Variants in USB1 observed in about 807,000 individuals in gnomAD.
The protein encoded by USB1 is U6 snRNA biogenesis phosphodiesterase 1, also known as U6 snRNA phosphodiesterase 1.
USB1 carries 21 observed loss-of-function variants against 29.9 expected under a neutral mutation model. The ratio of observed to expected loss-of-function variants is 0.70; its 90% CI spans 0.50 to 1.01. The LOEUF is 1.01. USB1 is among the 50% of genes least tolerant of loss of function. The probability of loss-of-function intolerance (pLI) is 0.00; values close to 1 mark genes in which losing one functional copy is unlikely to be tolerated. For missense variants in USB1, 330 were observed against 347.1 expected (o/e 0.95, Z 0.39); for synonymous variants, 143 against 134.9 (o/e 1.06, Z -0.42).
intron 1 of USB1, among the ~76,000 whole-genome samples, chr16:58,001,985 G>A (rs1963217876): frequency 6.6e-6 from 1 of 152,228 alleles, no homozygotes; most frequent in Admixed American, 6.5e-5. Flanking sequence ...CTGCCAGGCT[G>A]GGGTCTGGTA....
chr16:58,004,397 T>C (rs185926725), intron 2 of USB1, among the ~76,000 whole-genome samples: 1 of 152,324 alleles, frequency 6.6e-6, no homozygotes, highest in East Asian at 1.9e-4. Flanking sequence ...CCTCCAACTT[T>C]GTTCTTCTCC....
Position 58,017,378 on chromosome 16 carries a change from T to A in USB1, c.548T>A (p.Leu183Gln). 1 of 1,614,258 alleles carries A rather than the reference T, an allele frequency of 6.2e-7. No individual in the cohort carries two copies. Among genetic ancestry groups the A allele is most frequent in the Non-Finnish European group, 8.5e-7 (1 of 1,180,040 alleles). Residue 183 changes from leucine (L) to glutamine (Q), a missense_variant, in exon 5 of 7, where the codon CTG becomes CAG. Physicochemically the swap from Leu to Gln is moderately radical, Grantham distance 113. Coordinates refer to ENST00000219281, the MANE Select transcript of USB1 (RefSeq NM_024598.4). The stretch of plus-strand genomic sequence containing the variant: ...GTCACTTCAGGGCATGCCCAGTTCC[T>A]GGACCTGGTTTCAGAGGTGGACAGA... ...LEVTSGHAQF[L>Q]DLVSEVDRVM...
chr16:58,011,214 G>C, intron 3 of USB1: 1 of 1,508,394 alleles, frequency 6.6e-7, no homozygotes, highest in East Asian at 2.5e-5. Flanking sequence ...TGGAGGCTGA[G>C]ACCAACACAT....
intron 2 of USB1, among the ~76,000 whole-genome samples, chr16:58,007,841 T>G (rs1032622579): frequency 6.6e-6 from 1 of 151,924 alleles, no homozygotes; most frequent in African/African-American, 2.4e-5. Context: ...AAATTAGCCA[T>G]GCTTGGTGGC....
At position 58,002,612 on chromosome 16, in the gene USB1, C is replaced by T. The variant is rs374559185; in HGVS notation, c.232C>T (p.Arg78Ter). 15 of 1,613,798 alleles carry T rather than the reference C, an allele frequency of 9.3e-6. No individual in the cohort carries two copies. Among genetic ancestry groups the T allele is most frequent in the African/African-American group, 2.7e-5 (2 of 74,874 alleles). ...GGRVRTFPHERGNWATHVYVP... is the reference protein window; with the variant it reads ...GGRVRTFPHE ...ACGGGTGCGCACCTTCCCCCACGAG[C>T]GAGGCAACTGGGCCACCCACGTCTA... Residue 78 changes from arginine to a stop codon, truncating the protein, a stop_gained, in exon 2 of 7, where the codon CGA becomes TGA. Coordinates refer to ENST00000219281, the MANE Select transcript of USB1 (RefSeq NM_024598.4). LOFTEE classifies it high-confidence loss of function.
intron 3 of USB1, chr16:58,012,582 C>T: frequency 5.0e-6 from 7 of 1,397,796 alleles, no homozygotes; most frequent in Non-Finnish European, 6.5e-6. Flanking sequence ...GACAGCCTCC[C>T]TCTCTGATTG....
At position 58,001,637 on chromosome 16, in the gene USB1, G is replaced by A. The variant is rs1157127748; in HGVS notation, c.98+56G>A. The A allele has an allele frequency of 5.2e-6, 8 of 1,547,302 alleles. No homozygotes were observed. The African/African-American group carries it at 5.5e-5, about 11-fold the overall frequency. ...GCGCGCATTCACCCTAGAGCCAGAC[G>A]GGACCCGAATGTCTGGGGGTGGAGT... On this transcript the variant is annotated intron_variant, in intron 1 of 6. Transcript: ENST00000219281.
At chr16:58,012,510 C>T (rs1200264625) in intron 3 of USB1, 2 of 1,215,338 alleles carry the variant, frequency 1.6e-6, no homozygotes, top group Non-Finnish European at 2.2e-6. Context: ...GCTCTGTCCC[C>T]TTCCTTTGTC....
intron 2 of USB1, among the ~76,000 whole-genome samples, chr16:58,005,994 T>G (rs1963343516): frequency 6.6e-6 from 1 of 152,220 alleles, no homozygotes; most frequent in South Asian, 2.1e-4. Flanking sequence ...ATATCATTTA[T>G]TACTTCCAGG....
intron 2 of USB1, among the ~76,000 whole-genome samples, chr16:58,003,546 G>A (rs2142292770): frequency 6.6e-6 from 1 of 152,300 alleles, no homozygotes; most frequent in East Asian, 1.9e-4. Flanking sequence ...GTGTTCTGGA[G>A]TTTAGCCATT....
chr16:58,006,352 C>T (rs1963354684), intron 2 of USB1, among the ~76,000 whole-genome samples: 3 of 94,914 alleles, frequency 3.2e-5, no homozygotes, highest in Admixed American at 1.1e-4. Flanking sequence ...AACCTCGTTT[C>T]AAAAAAAAAA....
intron 2 of USB1, among the ~76,000 whole-genome samples, chr16:58,009,598 G>A (rs1280753843): frequency 6.6e-6 from 1 of 151,588 alleles, no homozygotes; most frequent in South Asian, 2.1e-4. Context: ...GGTGGCGGGC[G>A]CCCGTAGTCC....
intron 3 of USB1, chr16:58,011,792 G>A (rs1963502852): frequency 2.0e-6 from 2 of 988,156 alleles, no homozygotes; most frequent in Non-Finnish European, 2.4e-6. Flanking sequence ...GGCCAGGACT[G>A]TGGCTTCTCT....
Position 58,013,702 on chromosome 16 carries a change from A to T in USB1, c.450-571A>T. ...CAACAAGGACTCTGGAAACAGGCAG[A>T]CTGACTGTTCCAATCCTGGCTCACC... On this transcript the variant is annotated intron_variant, in intron 3 of 6. Coordinates refer to ENST00000219281, the MANE Select transcript of USB1 (RefSeq NM_024598.4). This position sits in a 1 kb window ranked among gnomAD's most constrained non-coding sequence, Gnocchi z 4.3. The T allele has an allele frequency of 4.7e-6, 4 of 844,286 alleles. No homozygotes were observed. Among genetic ancestry groups the T allele is most frequent in the African/African-American group, 1.8e-5 (1 of 54,322 alleles). The allele number at this position is 844,286 out of a possible 1,614,324, so 52.3% of individuals were successfully genotyped here. A position where few individuals can be genotyped will look rare whatever the true frequency, so the allele number is the denominator to read the frequency against.
chr16:58,019,538 C>T (rs1003715376), intron 6 of USB1, among the ~76,000 whole-genome samples: 5 of 152,160 alleles, frequency 3.3e-5, no homozygotes, highest in Non-Finnish European at 7.3e-5. Context: ...TCCACTTTCC[C>T]ATCTGCGCCC....
chr16:58,000,836 G>C (rs1180123189), upstream of USB1, among the ~76,000 whole-genome samples: 1 of 152,126 alleles, frequency 6.6e-6, no homozygotes, highest in Non-Finnish European at 1.5e-5. This position sits in a 1 kb window ranked among gnomAD's most constrained non-coding sequence, Gnocchi z 4.5. Flanking sequence ...GCTCCGGGCG[G>C]TTTTCGAGTC....
At chr16:58,010,913 A>T in intron 3 of USB1, 1 of 689,622 alleles carries the variant, frequency 1.5e-6, no homozygotes, top group Non-Finnish European at 2.6e-6. Context: ...CATAGGCATG[A>T]TGGATTATTA....
chr16:58,001,028 T>G (rs1036996670), upstream of USB1, among the ~76,000 whole-genome samples: 1 of 152,046 alleles, frequency 6.6e-6, no homozygotes, highest in African/African-American at 2.4e-5. Context: ...AGCTTGGCTT[T>G]TAGGGGCTTG....
At chr16:58,010,977 G>C (rs1250293659) in intron 3 of USB1, 2 of 701,672 alleles carry the variant, frequency 2.9e-6, no homozygotes, top group Middle Eastern at 7.1e-4. Context: ...GGGGCTGAAA[G>C]TTCCCAGCTT....
Sources: allele counts gnomAD v4.1 joint callset (sites outside exome capture counted in the v4.1 genomes callset), GRCh38; gene constraint gnomAD v4.1.1; non-coding constraint Gnocchi (gnomAD v3.1); transcripts MANE v1.5; gene names NCBI Gene and HGNC (gene_info 2026-07-23, HGNC 2026-07-21).